ITGB4: variants seen among roughly 807,000 people sequenced by gnomAD.
ITGB4 encodes integrin subunit beta 4, also known as integrin beta-4.
Under a neutral mutation model 207.6 loss-of-function variants are expected in ITGB4, and 159 were observed. The observed-to-expected ratio is 0.77, with a 90% CI of 0.67 to 0.87. The LOEUF is 0.87. Ranked by LOEUF, ITGB4 falls within the 40% of genes least tolerant of loss-of-function variation. The pLI is 0.00. For synonymous variants in ITGB4, 1,020 were observed against 1,062.7 expected (o/e 0.96, Z 0.78); for missense variants, 2,278 against 2,546.8 (o/e 0.89, Z 2.27).
chr17:75,734,728 G>A (rs1019562778), intron 13 of ITGB4, among the ~76,000 whole-genome samples: 4 of 151,994 alleles, frequency 2.6e-5, no homozygotes, highest in Non-Finnish European at 4.4e-5. Context: ...TCTTCTCTTC[G>A]ACTGTCTGTC....
chr17:75,755,567 G>C, intron 34 of ITGB4, 134 bp from the exon 35 acceptor site: 1 of 1,136,866 alleles, frequency 8.8e-7, no homozygotes, highest in Non-Finnish European at 1.3e-6. Flanking sequence ...GGGTGTTGCA[G>C]GGTGAGTGAG....
At chr17:75,748,690 A>C (rs1420812226) in intron 26 of ITGB4, 151 bp from the exon 27 acceptor site, 6 of 632,854 alleles carry the variant, frequency 9.5e-6, no homozygotes, top group Non-Finnish European at 1.6e-5. Flanking sequence ...ACAAACAAAA[A>C]AAACACAAAA....
intron 27 of ITGB4, 131 bp from the exon 28 acceptor site, chr17:75,749,980 A>G (rs2061329110): frequency 1.7e-6 from 2 of 1,152,552 alleles, no homozygotes; most frequent in East Asian, 2.3e-5. Context: ...CCAGGTCTCC[A>G]GAGACGCGGG....
At position 75,756,824 on chromosome 17, in the gene ITGB4, G is replaced by C; in HGVS notation, c.5018G>C (p.Gly1673Ala). Residue 1673 changes from glycine to alanine, a missense_variant, in exon 37 of 40, where the codon GGC (glycine) becomes GCC (alanine). By Grantham distance (60) the Gly-to-Ala change is moderately conservative. Transcript: ENST00000200181. ...CGGAGGCCCAATGGGGATATCGTCG[G>C]CTACCTGGTGACCTGTGAGATGGCC... ...RPRRPNGDIV[G>A]YLVTCEMAQG... The C allele has an allele frequency of 6.2e-7, 1 of 1,612,400 alleles. No individual in the cohort carries two copies. The highest frequency in any genetic ancestry group is 2.2e-5 in the East Asian group (1 of 44,876).
chr17:75,745,573 T>A (rs1157435995), intron 26 of ITGB4, among the ~76,000 whole-genome samples: 11 of 151,492 alleles, frequency 7.3e-5, no homozygotes, highest in South Asian at 2.1e-4. Flanking sequence ...GTCTCTATTT[T>A]AAAAAAATAA....
chr17:75,753,784 G>C lies in ITGB4; in HGVS notation c.4128G>C (p.Glu1376Asp). 6.9e-7 allele frequency: 1 copy of C among 1,453,260 alleles called. No homozygotes were observed. Among genetic ancestry groups the C allele is most frequent in the South Asian group, 1.4e-5 (1 of 69,234 alleles). The allele number at this position is 1,453,260 out of a possible 1,614,324, so 90.0% of individuals were successfully genotyped here. ...CCCAAGGCTGCGGCTGGAAGTTCGA[G>C]CCCCTGCTGGGGGAGGAGCTGGACC... ...SDDTGCGWKFEPLLGEELDLR... is the reference protein window; with the variant it reads ...SDDTGCGWKFDPLLGEELDLR... Residue 1376 changes from glutamate to aspartate, a missense_variant, in exon 33 of 40, where the codon GAG (glutamate) becomes GAC (aspartate). By Grantham distance (45) the Glu-to-Asp change is conservative (BLOSUM62 2). Transcript: ENST00000200181.
rs2060810172 is a variant in ITGB4 at position 75,729,731 on chromosome 17, C to A, written c.738+295C>A. Among the ~76,000 whole-genome samples the A allele has an allele frequency of 6.6e-6, 1 of 152,244 alleles. No individual in the cohort carries two copies. The highest frequency in any genetic ancestry group is 2.1e-4 in the South Asian group (1 of 4,836). ...TTAGCGTTCTGGAATCTTTAGTACC[C>A]TGAACCCACCAGCTGCCCAGACTCC... On this transcript the variant is annotated intron_variant, in intron 7 of 39. Coordinates refer to ENST00000200181, the MANE Select transcript of ITGB4 (RefSeq NM_000213.5). The surrounding 1 kb of genome is among the most constrained non-coding windows in gnomAD (Gnocchi z 4.4).
At position 75,757,022 on chromosome 17, in the gene ITGB4, C is replaced by G. The variant is rs1445827106; in HGVS notation, c.5133C>G (p.Pro1711=). ...LTVPGLSENV[P]YKFKVQARTT... is the part of the protein sequence containing the mutation. ...TGCCGGGCCTCAGCGAGAACGTGCC[C>G]TACAAGTTCAAGGTGCAGGCCAGGA... The change falls in exon 38 of 40, where the codon CCC becomes CCG. Residue 1711 remains proline (P), a synonymous_variant. Coordinates refer to ENST00000200181, the MANE Select transcript of ITGB4 (RefSeq NM_000213.5). 6.2e-7 allele frequency: 1 copy of G among 1,612,832 alleles called. No homozygotes were observed. Among genetic ancestry groups the G allele is most frequent in the Non-Finnish European group, 8.5e-7 (1 of 1,179,966 alleles).
At chr17:75,751,935 A>C in intron 30 of ITGB4, 1 of 586,152 alleles carries the variant, frequency 1.7e-6, no homozygotes, top group East Asian at 3.0e-5. Context: ...ACTTGAGTCC[A>C]GCCCTGGCTC....
At chr17:75,743,335 T>C (rs552505269) in intron 25 of ITGB4, among the ~76,000 whole-genome samples, 12 of 152,188 alleles carry the variant, frequency 7.9e-5, no homozygotes, top group African/African-American at 2.9e-4. Context: ...CAGGTTGAAG[T>C]GATTCTCCTG....
Position 75,756,773 on chromosome 17 carries a change from C to T in ITGB4, c.4967C>T (p.Ser1656Leu), listed in dbSNP as rs370378040. The T allele has an allele frequency of 7.4e-6, 12 of 1,612,864 alleles. No individual in the cohort carries two copies. In the East Asian group the frequency reaches 1.6e-4, roughly 21 times the overall value. Residue 1656 changes from serine (S) to leucine (L), a missense_variant, in exon 37 of 40, where the codon TCG becomes TTG. Coordinates refer to ENST00000200181, the MANE Select transcript of ITGB4 (RefSeq NM_000213.5). The part of the protein sequence containing the change: ...PLVFTALSPD[S>L]LQLSWERPRR... ...GTGTTCACTGCCCTGAGCCCAGACTCGCTGCAGCTGAGCTGGGAGCGGCCA... is the reference window on the plus strand; with the variant it reads ...GTGTTCACTGCCCTGAGCCCAGACTTGCTGCAGCTGAGCTGGGAGCGGCCA...
chr17:75,754,549 C>G (rs371465066), intron 33 of ITGB4, 27 bp from the exon 34 acceptor site: 2 of 1,612,904 alleles, frequency 1.2e-6, no homozygotes, highest in African/African-American at 2.7e-5. Flanking sequence ...GCAGGCCTGA[C>G]CAAGGGACCC....
rs2148466892 is a variant in ITGB4 at position 75,728,360 on chromosome 17, G to A, written c.470-17G>A. 1 of 1,612,670 alleles carries A rather than the reference G, an allele frequency of 6.2e-7. No homozygotes were observed. Among genetic ancestry groups the A allele is most frequent in the Non-Finnish European group, 8.5e-7 (1 of 1,178,692 alleles). On this transcript the variant is annotated splice_polypyrimidine_tract_variant and intron_variant, in intron 5 of 39. Transcript: ENST00000200181. ...ATCAGGGCTCAGCTATCCCCTCTCT[G>A]TCCTTTTGACATCCAGCTCGGGTCC...
At position 75,731,331 on chromosome 17, in the gene ITGB4, C is replaced by T. The variant is rs752599095; in HGVS notation, c.1178C>T (p.Thr393Met). Residue 393 changes from threonine (T) to methionine (M), a missense_variant, in exon 10 of 40, where the codon ACG (threonine) becomes ATG (methionine). Transcript: ENST00000200181. The surrounding 1 kb of genome is among the most constrained non-coding windows in gnomAD (Gnocchi z 6.8). ...TEVTSKMFQK[T>M]RTGSFHIRRG... Reference sequence around the variant, plus strand: ...GTCACCTCCAAGATGTTCCAGAAGACGAGGACTGGGTCCTTTCACATCCGG... The same window carrying T: ...GTCACCTCCAAGATGTTCCAGAAGATGAGGACTGGGTCCTTTCACATCCGG... 2.0e-5 allele frequency: 32 copies of T among 1,613,302 alleles called. No homozygotes were observed. Among genetic ancestry groups the T allele is most frequent in the Middle Eastern group, 3.3e-4 (2 of 6,058 alleles).
intron 2 of ITGB4, among the ~76,000 whole-genome samples, chr17:75,725,951 A>G (rs1480887220): frequency 6.6e-6 from 1 of 152,196 alleles, no homozygotes; most frequent in Non-Finnish European, 1.5e-5. Context: ...CATCAAAGGT[A>G]ATGGGGAAGG....
In ITGB4 at chr17:75,727,029, C is replaced by T. The variant is rs1335402779; in HGVS notation, c.80-166C>T. 1.3e-5 allele frequency among the ~76,000 whole-genome samples: 2 copies of T among 151,860 alleles called. No homozygotes were observed. Among genetic ancestry groups the T allele is most frequent in the African/African-American group, 2.4e-5 (1 of 41,336 alleles). On this transcript the variant is annotated intron_variant, in intron 2 of 39. Coordinates refer to ENST00000200181, the MANE Select transcript of ITGB4 (RefSeq NM_000213.5). The surrounding 1 kb of genome is among the most constrained non-coding windows in gnomAD (Gnocchi z 6.0). Reference sequence around the variant, plus strand: ...TGGAGCTTGCAGTGAGCCAGGATCACGCCACTGCACTCCAGCCTGGGCAAC... The same window carrying T: ...TGGAGCTTGCAGTGAGCCAGGATCATGCCACTGCACTCCAGCCTGGGCAAC...
intron 5 of ITGB4, 125 bp from the exon 6 acceptor site, chr17:75,728,252 T>C (rs905610218): frequency 1.3e-6 from 1 of 770,144 alleles, no homozygotes; most frequent in Admixed American, 2.0e-5. Flanking sequence ...AGCATGAACC[T>C]TTGTCCAGCA....
At chr17:75,744,312 G>A (rs2061187864) in intron 26 of ITGB4, among the ~76,000 whole-genome samples, 2 of 151,986 alleles carry the variant, frequency 1.3e-5, no homozygotes, top group Non-Finnish European at 2.9e-5. Context: ...TAGAGACGGG[G>A]TTTCTCCATG....
intron 13 of ITGB4, 48 bp from the exon 14 acceptor site, chr17:75,736,003 A>T: frequency 6.3e-7 from 1 of 1,575,282 alleles, no homozygotes; most frequent in East Asian, 2.2e-5. Flanking sequence ...AGCCTGGACT[A>T]CAGGCACAGA....
Sources: allele counts gnomAD v4.1 joint callset (sites outside exome capture counted in the v4.1 genomes callset), GRCh38; gene constraint gnomAD v4.1.1; non-coding constraint Gnocchi (gnomAD v3.1); transcripts MANE v1.5; gene names NCBI Gene and HGNC (gene_info 2026-07-23, HGNC 2026-07-21).